GAS2: variants seen among roughly 807,000 people sequenced by gnomAD.
GAS2 encodes the protein growth arrest-specific protein 2.
A neutral mutation model predicts 37.5 loss-of-function variants in GAS2; 20 were observed. The ratio of observed to expected loss-of-function variants is 0.53; its 90% CI spans 0.37 to 0.77. The LOEUF (loss-of-function observed/expected upper bound fraction) is 0.77. Ranked by LOEUF, GAS2 falls within the 30% of genes least tolerant of loss-of-function variation. The pLI, the probability that GAS2 is intolerant of heterozygous loss-of-function variation, is 0.00. For synonymous variants in GAS2, 144 were observed against 132.2 expected (o/e 1.09, Z -0.61); for missense variants, 336 against 373.4 (o/e 0.90, Z 0.82).
At chr11:22,809,037 G>A (rs1857019113) in intron 7 of GAS2, among the ~76,000 whole-genome samples, 3 of 152,114 alleles carry the variant, frequency 2.0e-5, no homozygotes. Flanking sequence ...TTTTACAGAG[G>A]CGTACACTGA....
At chr11:22,740,410 G>A (rs1409315351) in intron 5 of GAS2, among the ~76,000 whole-genome samples, 8 of 151,958 alleles carry the variant, frequency 5.3e-5, no homozygotes, top group Admixed American at 5.2e-4. Flanking sequence ...TGTAAATTTG[G>A]CCTTTTATCT....
chr11:22,665,352 T>C (rs897706682), upstream of GAS2, among the ~76,000 whole-genome samples: 1 of 152,178 alleles, frequency 6.6e-6, no homozygotes, highest in Non-Finnish European at 1.5e-5. Flanking sequence ...TTTACTAAAT[T>C]GTATGTGTTC....
intron 4 of GAS2, among the ~76,000 whole-genome samples, chr11:22,732,654 T>G (rs190737373): frequency 6.6e-6 from 1 of 151,800 alleles, no homozygotes; most frequent in Non-Finnish European, 1.5e-5. Context: ...TGTGACTGTC[T>G]TCACTTTCTT....
At chr11:22,626,339 A>G (rs556615378) in intron 1 of GAS2, 1 of 160,430 alleles carries the variant, frequency 6.2e-6, no homozygotes, top group Non-Finnish European at 1.4e-5. Flanking sequence ...TTGTCCTTCC[A>G]TTATTAGAAC....
intron 6 of GAS2, among the ~76,000 whole-genome samples, chr11:22,755,336 A>G (rs377196525): frequency 2.0e-5 from 3 of 152,096 alleles, no homozygotes; most frequent in African/African-American, 7.2e-5. Context: ...AGAAAATCTT[A>G]GAGTTCAAAA....
intron 5 of GAS2, among the ~76,000 whole-genome samples, chr11:22,746,751 A>G (rs145812979): frequency 4.3e-4 from 66 of 152,300 alleles, no homozygotes; most frequent in African/African-American, 1.5e-3. Context: ...ATTTGGTACT[A>G]TGATCACTAC....
intron 3 of GAS2, among the ~76,000 whole-genome samples, chr11:22,723,181 C>A (rs1354385515): frequency 1.3e-5 from 2 of 151,838 alleles, no homozygotes; most frequent in African/African-American, 4.8e-5. Flanking sequence ...TTAACGGAAG[C>A]AAATAGCCCA....
chr11:22,692,714 G>A (rs1850305838), intron 3 of GAS2, among the ~76,000 whole-genome samples: 2 of 152,094 alleles, frequency 1.3e-5, no homozygotes, highest in African/African-American at 4.8e-5. Context: ...TTTCCTTTTA[G>A]CCTAGTGATT....
chr11:22,666,159 C>T (rs889045649), upstream of GAS2, among the ~76,000 whole-genome samples: 12 of 152,190 alleles, frequency 7.9e-5, no homozygotes, highest in African/African-American at 2.9e-4. Flanking sequence ...TGACATTCAA[C>T]ATAATGCTGA....
intron 1 of GAS2, among the ~76,000 whole-genome samples, chr11:22,650,129 G>C (rs1362849414): frequency 2.6e-5 from 4 of 151,710 alleles, no homozygotes; most frequent in Admixed American, 2.0e-4. Context: ...CTTTTTTCTC[G>C]TTGGTTTCAA....
At chr11:22,786,322 TA>T (rs1220638439) in intron 7 of GAS2, among the ~76,000 whole-genome samples, 1 of 152,138 alleles carries the variant, frequency 6.6e-6, no homozygotes, top group Non-Finnish European at 1.5e-5. Flanking sequence ...GAAATACTGG[TA>T]AAAATTACTG....
chr11:22,651,975 T>G (rs1848782340), intron 1 of GAS2, among the ~76,000 whole-genome samples: 1 of 152,228 alleles, frequency 6.6e-6, no homozygotes, highest in Non-Finnish European at 1.5e-5. Context: ...ACTGTGTTCC[T>G]TTGGAGGAGG....
chr11:22,795,304 A>T (rs982764745), intron 7 of GAS2, among the ~76,000 whole-genome samples: 15 of 151,934 alleles, frequency 9.9e-5, no homozygotes, highest in Non-Finnish European at 2.9e-5. Flanking sequence ...GCTGGGAGGG[A>T]TTAGACTGTA....
chr11:22,729,047 A>AT (rs950556386), intron 4 of GAS2, among the ~76,000 whole-genome samples: 3 of 150,230 alleles, frequency 2.0e-5, no homozygotes, highest in African/African-American at 7.3e-5. Flanking sequence ...TTTTTTTTTA[A>AT]CCTCAAGATT....
chr11:22,749,719 T>C (rs1304005388), intron 6 of GAS2, among the ~76,000 whole-genome samples: 1 of 151,980 alleles, frequency 6.6e-6, no homozygotes, highest in East Asian at 1.9e-4. Flanking sequence ...TCTTGAGAAA[T>C]GGAAACATAG....
At chr11:22,686,989 C>A (rs1849992371) in intron 3 of GAS2, among the ~76,000 whole-genome samples, 1 of 152,016 alleles carries the variant, frequency 6.6e-6, no homozygotes. Context: ...GGCTCCCAAA[C>A]TTTGCTGCAC....
chr11:22,770,974 A>G (rs1024489312), intron 7 of GAS2, among the ~76,000 whole-genome samples: 1 of 152,198 alleles, frequency 6.6e-6, no homozygotes, highest in Non-Finnish European at 1.5e-5. Context: ...AGCAAAGCAG[A>G]CATTTAAGGT....
intron 1 of GAS2, among the ~76,000 whole-genome samples, chr11:22,658,447 A>T (rs1848879878): frequency 6.6e-6 from 1 of 152,088 alleles, no homozygotes; most frequent in African/African-American, 2.4e-5. Flanking sequence ...TAGGACTAAA[A>T]CCCTGATTTT....
intron 1 of GAS2, among the ~76,000 whole-genome samples, chr11:22,650,673 T>C (rs337505): frequency 0.68 from 102,902 of 151,004 alleles, 39,457 homozygotes; most frequent in East Asian, 0.89. Context: ...CATTATGTAA[T>C]GGCCTTCTTT....
Sources: allele counts gnomAD v4.1 joint callset (sites outside exome capture counted in the v4.1 genomes callset), GRCh38; gene constraint gnomAD v4.1.1; transcripts MANE v1.5; gene names NCBI Gene and HGNC (gene_info 2026-07-23, HGNC 2026-07-21).